Variants in ITPR1 observed in about 807,000 individuals in gnomAD.
ITPR1 encodes inositol 1,4,5-trisphosphate-gated calcium channel ITPR1.
In ITPR1, 96 loss-of-function variants were observed where a neutral mutation model predicts 318.4. The observed-to-expected ratio is 0.30, with a 90% confidence interval of 0.26 to 0.36. The LOEUF is 0.36. Among genes scored for constraint, ITPR1 ranks in the 10% least tolerant of loss-of-function variants. The probability of loss-of-function intolerance (pLI) is 1.00; values close to 1 mark genes in which losing one functional copy is unlikely to be tolerated. For missense variants in ITPR1, 2,440 were observed against 3,460.2 expected (o/e 0.71, Z 7.40); for synonymous variants, 1,312 against 1,289.9 (o/e 1.02, Z -0.37).
intron 12 of ITPR1, among the ~76,000 whole-genome samples, chr3:4,655,908 G>C (rs747955057): frequency 2.0e-5 from 3 of 152,142 alleles, no homozygotes; most frequent in Non-Finnish European, 4.4e-5. Context: ...AGTACTGGGA[G>C]GACCCCACCC....
intron 35 of ITPR1, 44 bp from the exon 36 acceptor site, chr3:4,702,786 A>G: frequency 6.3e-7 from 1 of 1,598,132 alleles, no homozygotes; most frequent in Non-Finnish European, 8.5e-7. Flanking sequence ...GTAGTCTACA[A>G]ATAAAAATCT....
Position 4,766,854 on chromosome 3 carries a change from A to G in ITPR1, c.5725+144A>G, listed in dbSNP as rs1273627507. The G allele has an allele frequency of 4.0e-5, 25 of 619,896 alleles. No individual in the cohort carries two copies. The East Asian group carries it at 7.1e-4, about 17-fold the overall frequency. The allele number at this position is 619,896 out of a possible 1,614,324, so 38.4% of individuals were successfully genotyped here. A position where few individuals can be genotyped will look rare whatever the true frequency, so the allele number is the denominator to read the frequency against. ...GAAATGCCAGCCTGGTTATGATGTA[A>G]TTCTTCCTCAGTGACCTGAGCTGAA... is the stretch of plus-strand genomic sequence containing the variant. On this transcript the variant is annotated intron_variant, in intron 45 of 61. Coordinates refer to ENST00000649015, the MANE Select transcript of ITPR1 (RefSeq NM_001378452.1).
intron 7 of ITPR1, among the ~76,000 whole-genome samples, chr3:4,643,476 G>A (rs2093383180): frequency 6.6e-6 from 1 of 152,148 alleles, no homozygotes; most frequent in African/African-American, 2.4e-5. Context: ...ACAAAGAATA[G>A]GTGTAGACCC....
At chr3:4,680,914 G>T (rs1240601166) in intron 25 of ITPR1, among the ~76,000 whole-genome samples, 1 of 152,172 alleles carries the variant, frequency 6.6e-6, no homozygotes, top group East Asian at 1.9e-4. Flanking sequence ...GAGTGTCTTA[G>T]TGATGAGACA....
chr3:4,622,109 C>CTTTTTTTTTTTTTT (rs894926425), intron 4 of ITPR1, among the ~76,000 whole-genome samples: 1 of 105,828 alleles, frequency 9.4e-6, no homozygotes, highest in South Asian at 3.6e-4. Flanking sequence ...ACATAGTAGA[C>CTTTTTTTTTTTTTT]TTTTTTTTTT....
In ITPR1 at chr3:4,543,152, T is replaced by A. The variant is rs543203639; in HGVS notation, c.163+22058T>A. 2.4e-4 allele frequency among the ~76,000 whole-genome samples: 37 copies of A among 152,050 alleles called. 1 individual carries two copies. In the South Asian group the frequency reaches 7.3e-3, roughly 30 times the overall value. The stretch of plus-strand genomic sequence containing the variant: ...GGGTGTGGTGGCTCACACCTATAGT[T>A]TCAGCTACTCGACAGGCTTAGGTGG... On this transcript the variant is annotated intron_variant, in intron 4 of 61. Transcript: ENST00000649015.
chr3:4,522,258 C>G (rs2082626670), intron 4 of ITPR1, among the ~76,000 whole-genome samples: 1 of 152,156 alleles, frequency 6.6e-6, no homozygotes, highest in Non-Finnish European at 1.5e-5. Context: ...CGGAAAACCA[C>G]TGGGTTAGGT....
intron 44 of ITPR1, among the ~76,000 whole-genome samples, chr3:4,743,796 C>T (rs192692217): frequency 1.1e-4 from 17 of 152,280 alleles, no homozygotes; most frequent in Middle Eastern, 3.4e-3. Context: ...TTCCTTTCTG[C>T]GAAACCTAGA....
chr3:4,844,599 C>G (rs1308089389), intron 61 of ITPR1, among the ~76,000 whole-genome samples: 1 of 152,172 alleles, frequency 6.6e-6, no homozygotes, highest in Non-Finnish European at 1.5e-5. Context: ...GCATTTTAAC[C>G]TAATTGTGAA....
At chr3:4,655,500 A>G (rs970365672) in intron 12 of ITPR1, among the ~76,000 whole-genome samples, 2 of 152,112 alleles carry the variant, frequency 1.3e-5, no homozygotes, top group Non-Finnish European at 1.5e-5. Flanking sequence ...TCCTTCATCT[A>G]TACAAGTGGC....
At chr3:4,567,867 G>A (rs1254079074) in intron 4 of ITPR1, among the ~76,000 whole-genome samples, 1 of 152,196 alleles carries the variant, frequency 6.6e-6, no homozygotes, top group Non-Finnish European at 1.5e-5. Flanking sequence ...GACTTCCACA[G>A]TGTGGGGGTT....
rs1480027086 is a variant in ITPR1, at chr3:4,846,351, A to C, written c.*126A>C. The C allele has an allele frequency of 1.7e-6, 1 of 601,418 alleles. No homozygotes were observed. Among genetic ancestry groups the C allele is most frequent in the Non-Finnish European group, 2.9e-6 (1 of 340,808 alleles). The allele number at this position is 601,418 out of a possible 1,614,324, so 37.3% of individuals were successfully genotyped here. On this transcript the variant is annotated 3_prime_UTR_variant, in exon 62 of 62. Coordinates refer to ENST00000649015, the MANE Select transcript of ITPR1 (RefSeq NM_001378452.1). Reference sequence around the variant, plus strand: ...AATACATTTGTAAATACTCAGTTTTATACTGTATGTATATGATTGCTACTC... The same window carrying C: ...AATACATTTGTAAATACTCAGTTTTCTACTGTATGTATATGATTGCTACTC...
chr3:4,746,613 C>A (rs2044126552), intron 44 of ITPR1, among the ~76,000 whole-genome samples: 1 of 152,210 alleles, frequency 6.6e-6, no homozygotes, highest in African/African-American at 2.4e-5. Flanking sequence ...GACTGTAAGA[C>A]CCGAGGGGGC....
In ITPR1 at chr3:4,800,406, C is replaced by A. The variant is rs2048152091; in HGVS notation, c.6932-19C>A. 2.5e-6 allele frequency: 4 copies of A among 1,610,158 alleles called. No individual in the cohort carries two copies. The highest frequency in any genetic ancestry group is 3.4e-6 in the Non-Finnish European group (4 of 1,178,708). ...GTGAAGGCACAGATTTGTGAGAGAACCCTGTTTTGTCCTTGCAGGAACCCT... is the reference window on the plus strand; with the variant it reads ...GTGAAGGCACAGATTTGTGAGAGAAACCTGTTTTGTCCTTGCAGGAACCCT... On this transcript the variant is annotated intron_variant, in intron 53 of 61. Coordinates refer to ENST00000649015, the MANE Select transcript of ITPR1 (RefSeq NM_001378452.1).
Position 4,685,170 on chromosome 3 carries a change from C to G in ITPR1, c.3666C>G (p.Ala1222=), listed in dbSNP as rs763869150. 3.7e-6 allele frequency: 6 copies of G among 1,606,738 alleles called. No homozygotes were observed. The highest frequency in any genetic ancestry group is 4.2e-6 in the Non-Finnish European group (5 of 1,178,598). ...QRLLRNMGAH[A]VVLELLQIPY... ...TGCTCCGGAACATGGGCGCGCACGC[C>G]GTGGTGCTGGAGCTGCTGCAGATTC... The change falls in exon 30 of 62, where the codon GCC becomes GCG. Residue 1222 remains alanine, a synonymous_variant. Coordinates refer to ENST00000649015, the MANE Select transcript of ITPR1 (RefSeq NM_001378452.1).
chr3:4,734,497 C>T (rs967073921), intron 43 of ITPR1, among the ~76,000 whole-genome samples: 1 of 152,162 alleles, frequency 6.6e-6, no homozygotes, highest in African/African-American at 2.4e-5. Context: ...CTGATCAGCC[C>T]ATTTCTCCAT....
chr3:4,578,764 G>A (rs541576198), intron 4 of ITPR1, among the ~76,000 whole-genome samples: 8 of 152,184 alleles, frequency 5.3e-5, no homozygotes, highest in Non-Finnish European at 1.2e-4. Flanking sequence ...CTAGATGACT[G>A]CACCTCTGAA....
chr3:4,845,656 T>C (rs2051711085), intron 61 of ITPR1, among the ~76,000 whole-genome samples: 1 of 68,694 alleles, frequency 1.5e-5, no homozygotes, highest in South Asian at 3.6e-4. Flanking sequence ...GGTAGGTAAT[T>C]TTTTTTTTCT....
At chr3:4,705,916 C>T (rs1426829306) in intron 36 of ITPR1, among the ~76,000 whole-genome samples, 1 of 152,198 alleles carries the variant, frequency 6.6e-6, no homozygotes, top group African/African-American at 2.4e-5. Context: ...CTCTGACATG[C>T]CCTGGCCTTA....
Sources: gnomAD v4.1 joint callset for allele counts (sites outside exome capture counted in the v4.1 genomes callset) on GRCh38, gnomAD v4.1.1 for gene constraint, MANE v1.5 for transcripts, NCBI Gene and HGNC (gene_info 2026-07-23, HGNC 2026-07-21) for gene names.